HCFC1: variants seen among roughly 807,000 people sequenced by gnomAD.
HCFC1 encodes host cell factor 1.
In HCFC1, 7 loss-of-function variants were observed where a neutral mutation model predicts 105.5. That is an observed-to-expected ratio of 0.07 (90% CI 0.04 to 0.12). The LOEUF (loss-of-function observed/expected upper bound fraction) is 0.12. Among genes scored for constraint, HCFC1 ranks in the 10% least tolerant of loss-of-function variants. The pLI, the probability that HCFC1 is intolerant of heterozygous loss-of-function variation, is 1.00. For synonymous variants in HCFC1, 918 were observed against 828.1 expected, an observed-to-expected ratio of 1.11 and a Z score of -1.86; for missense variants, 1,065 against 1,823.6, an observed-to-expected ratio of 0.58 and a Z score of 7.58.
At position 153,955,024 on chromosome X, in the gene HCFC1, C is replaced by T. The variant is rs960541644; in HGVS notation, c.3375G>A (p.Ser1125=). 12 of 1,208,309 alleles carry T rather than the reference C, an allele frequency of 9.9e-6. No individual in the cohort carries two copies. The highest frequency in any genetic ancestry group is 1.8e-5 in the South Asian group (1 of 56,661). ...GTTNTATTAM[S]SVGANHQRDA... is the part of the protein sequence containing the mutation. ...CTCGCTGGTGGTTGGCGCCGACGCT[C>T]GACATGGCTGTAGTGGCAGTGTTGG... Residue 1125 remains serine (S), a synonymous_variant, in exon 17 of 26, where the codon TCG becomes TCA. Coordinates refer to ENST00000310441, the MANE Select transcript of HCFC1 (RefSeq NM_005334.3).
chrX:153,969,450 T>C (rs1198066319), intron 1 of HCFC1: 2 of 112,082 alleles, frequency 1.8e-5, no homozygotes, highest in Non-Finnish European at 3.8e-5. Context: ...AGGGGGCTTT[T>C]CCCTCACCCA....
At position 153,957,032 on chromosome X, in the gene HCFC1, G is replaced by A; in HGVS notation, c.2382C>T (p.Ser794=). 1 of 1,209,955 alleles carries A rather than the reference G, an allele frequency of 8.3e-7. No individual in the cohort carries two copies. Among genetic ancestry groups the A allele is most frequent in the Non-Finnish European group, 1.1e-6 (1 of 895,023 alleles). The part of the protein sequence containing the change: ...TGVTSSPGIK[S]PITIITTKVM... Reference sequence around the variant, plus strand: ...CCTTGGTGGTGATGATGGTGATGGGGGACTTGATGCCAGGACTGCTGGTCA... The same window carrying A: ...CCTTGGTGGTGATGATGGTGATGGGAGACTTGATGCCAGGACTGCTGGTCA... Residue 794 remains serine (S), a synonymous_variant, in exon 14 of 26, where the codon TCC becomes TCT. Transcript: ENST00000310441.
chrX:153,967,959 C>T (rs1262035953), intron 1 of HCFC1, among the ~76,000 whole-genome samples: 5 of 111,461 alleles, frequency 4.5e-5, no homozygotes, highest in Non-Finnish European at 9.4e-5. Flanking sequence ...GGCAGAACGG[C>T]CTCTATGAAG....
Position 153,963,412 on chromosome X carries a change from G to A in HCFC1, c.525C>T (p.Ile175=), listed in dbSNP as rs782292694. ...NIPRYLNDLY[I]LELRPGSGVV... The stretch of plus-strand genomic sequence containing the variant: ...CTCCAGAGCCTGGCCGTAATTCCAG[G>A]ATATATAAGTCATTCAGGTACCTGA... The change falls in exon 4 of 26, where the codon ATC becomes ATT. Residue 175 remains isoleucine (I), a synonymous_variant. Coordinates refer to ENST00000310441, the MANE Select transcript of HCFC1 (RefSeq NM_005334.3). 11 of 1,206,482 alleles carry A rather than the reference G, an allele frequency of 9.1e-6. No individual in the cohort carries two copies. The South Asian group carries it at 1.6e-4, about 17-fold the overall frequency.
In HCFC1 at chrX:153,953,899, C is replaced by G. The variant is rs782136356; in HGVS notation, c.4334-129G>C. The G allele has an allele frequency of 3.8e-5, 34 of 889,953 alleles. No individual in the cohort carries two copies. In the African/African-American group the frequency reaches 5.6e-4, roughly 15 times the overall value. 73.3% of individuals were successfully genotyped at this position (889,953 alleles called of 1,213,427 possible). The stretch of plus-strand genomic sequence containing the variant: ...AGGCAGGACAGGCTCCTGGAGACCT[C>G]TGTCTGCTTCAGGTACAGCCAGGAC... On this transcript the variant is annotated intron_variant, in intron 17 of 25. Coordinates refer to ENST00000310441, the MANE Select transcript of HCFC1 (RefSeq NM_005334.3).
Position 153,964,633 on chromosome X carries a change from AC to A in HCFC1, c.286del (p.Val96CysfsTer75). 1 of 1,205,120 alleles carries A rather than the reference AC, an allele frequency of 8.3e-7. No homozygotes were observed. The highest frequency in any genetic ancestry group is 1.1e-6 in the Non-Finnish European group (1 of 892,207). ...CCCATACTCCACCATCCCACCAAACACCAGGAGGCGAGTCCCGTCACACACG... is the reference window on the plus strand; with the variant it reads ...CCCATACTCCACCATCCCACCAAACACAGGAGGCGAGTCCCGTCACACACG... ...GFVCDGTRLLVFGGMVEYGKY... is the reference protein window; with the variant it reads ...GFVCDGTRLLXFGGMVEYGKY... On this transcript the variant is annotated frameshift_variant, in exon 2 of 26. Transcript: ENST00000310441. LOFTEE classifies it high-confidence loss of function.
chrX:153,959,422 G>A lies in HCFC1; in HGVS notation c.1514C>T (p.Pro505Leu). Residue 505 changes from proline to leucine, a missense_variant, in exon 9 of 26, where the codon CCT becomes CTT. By Grantham distance (98) the Pro-to-Leu change is moderately conservative. Coordinates refer to ENST00000310441, the MANE Select transcript of HCFC1 (RefSeq NM_005334.3). ...AGGGGCTTTCCCAGCCTGGCTGGCA[G>A]GTCGCATGGTGACCAATGGAGTTCC... Reference protein sequence around the residue: ...TTGTPLVTMRPASQAGKAPVT... With the variant: ...TTGTPLVTMRLASQAGKAPVT... The A allele has an allele frequency of 8.3e-7, 1 of 1,211,489 alleles. No homozygotes were observed.
intron 1 of HCFC1, among the ~76,000 whole-genome samples, chrX:153,968,681 T>C (rs1444544972): frequency 8.9e-6 from 1 of 112,732 alleles, no homozygotes; most frequent in African/African-American, 3.2e-5. Flanking sequence ...CTAATGAATA[T>C]GCAGAGGCCC....
chrX:153,962,704 T>C (rs183979591), intron 4 of HCFC1, among the ~76,000 whole-genome samples: 1 of 112,243 alleles, frequency 8.9e-6, no homozygotes, highest in Non-Finnish European at 1.9e-5. Context: ...GAGTGCCGAC[T>C]CTGATCTATA....
intron 13 of HCFC1, 84 bp from the exon 14 acceptor site, chrX:153,957,144 G>A: frequency 9.3e-7 from 1 of 1,080,902 alleles, no homozygotes. Context: ...ACATCCACAA[G>A]TCACAGCCAT....
At chrX:153,963,178 A>T in intron 4 of HCFC1, 47 bp downstream of exon 4, 1 of 1,049,940 alleles carries the variant, frequency 9.5e-7, no homozygotes, top group Non-Finnish European at 1.3e-6. Flanking sequence ...GCCAAGAGGC[A>T]GACCCGCTTT....
chrX:153,964,744 G>A lies in HCFC1; in HGVS notation c.194-18C>T. 1 of 1,145,815 alleles carries A rather than the reference G, an allele frequency of 8.7e-7. No homozygotes were observed. Among genetic ancestry groups the A allele is most frequent in the Non-Finnish European group, 1.2e-6 (1 of 860,450 alleles). 94.4% of individuals were successfully genotyped at this position (1,145,815 alleles called of 1,213,427 possible). A position where few individuals can be genotyped will look rare whatever the true frequency, so the allele number is the denominator to read the frequency against. On this transcript the variant is annotated intron_variant, in intron 1 of 25. Transcript: ENST00000310441. ...GTTGGTTGCTGGGGAACAGAAGGAGGCAGAAGTCAGAACACCCGGGAGCCC... is the reference window on the plus strand; with the variant it reads ...GTTGGTTGCTGGGGAACAGAAGGAGACAGAAGTCAGAACACCCGGGAGCCC...
intron 20 of HCFC1, 32 bp downstream of exon 20, chrX:153,951,809 A>C: frequency 8.6e-7 from 1 of 1,169,555 alleles, no homozygotes; most frequent in Non-Finnish European, 1.1e-6. Flanking sequence ...TGCCCCCACC[A>C]CCCCAGCACC....
chrX:153,956,092 C>T (rs375971376), intron 16 of HCFC1, 99 bp downstream of exon 16: 3 of 810,210 alleles, frequency 3.7e-6, no homozygotes, highest in East Asian at 3.2e-5. Context: ...AGCAGCGCAA[C>T]ACCAGGAAGG....
In HCFC1 at chrX:153,964,563, C is replaced by T. The variant is rs1387140043; in HGVS notation, c.342+15G>A. ...GGGGCCAAGGAGGCAGAGTGAGAACCTGGGGCTGCTTTACCTGGAGTTCGT... is the reference window on the plus strand; with the variant it reads ...GGGGCCAAGGAGGCAGAGTGAGAACTTGGGGCTGCTTTACCTGGAGTTCGT... On this transcript the variant is annotated intron_variant, in intron 2 of 25. Coordinates refer to ENST00000310441, the MANE Select transcript of HCFC1 (RefSeq NM_005334.3). The T allele has an allele frequency of 2.5e-6, 3 of 1,185,361 alleles. No homozygotes were observed. In the African/African-American group the frequency reaches 5.3e-5, roughly 21 times the overall value.
chrX:153,948,718 C>G lies in HCFC1; in HGVS notation c.*629G>C, dbSNP rs1282503683. ...GCCCAGGCCGCCGCGGGGCTCCTTGCCCCTTTTTTCTTTTTCCTTCTTTTC... is the reference window on the plus strand; with the variant it reads ...GCCCAGGCCGCCGCGGGGCTCCTTGGCCCTTTTTTCTTTTTCCTTCTTTTC... On this transcript the variant is annotated 3_prime_UTR_variant, in exon 26 of 26. Coordinates refer to ENST00000310441, the MANE Select transcript of HCFC1 (RefSeq NM_005334.3). The G allele has an allele frequency of 8.9e-6, 1 of 112,484 alleles. No individual in the cohort carries two copies. The highest frequency in any genetic ancestry group is 9.3e-5 in the Admixed American group (1 of 10,704). 9.3% of individuals were successfully genotyped at this position (112,484 alleles called of 1,213,427 possible). A position where few individuals can be genotyped will look rare whatever the true frequency, so the allele number is the denominator to read the frequency against.
chrX:153,954,792 C>T lies in HCFC1; in HGVS notation c.3607G>A (p.Gly1203Ser). 2 of 1,165,143 alleles carry T rather than the reference C, an allele frequency of 1.7e-6. No individual in the cohort carries two copies. The highest frequency in any genetic ancestry group is 3.2e-5 in the East Asian group (1 of 30,785). ...AACTGCACAAAAGCAGGGCTGCGGC[C>T]CCCGGGCTCCCGTGCCATGCTCGGC... is the stretch of plus-strand genomic sequence containing the variant. ...LGPSMAREPG[G>S]RSPAFVQLAP... The change falls in exon 17 of 26, where the codon GGC becomes AGC. Residue 1203 changes from glycine (G) to serine (S), a missense_variant. Around this residue, in one of 17 missense-constraint regions of HCFC1, gnomAD observed 546 missense variants for 599.9 expected, o/e 0.91. Coordinates refer to ENST00000310441, the MANE Select transcript of HCFC1 (RefSeq NM_005334.3).
intron 22 of HCFC1, 61 bp from the exon 23 acceptor site, chrX:153,951,059 G>T: frequency 9.7e-7 from 1 of 1,029,038 alleles, no homozygotes; most frequent in South Asian, 2.0e-5. Context: ...GCCACCCCAG[G>T]AACACTGCAG....
rs2065278546 is a variant in HCFC1, at chrX:153,948,623, T to C, written c.*724A>G. On this transcript the variant is annotated 3_prime_UTR_variant, in exon 26 of 26. Coordinates refer to ENST00000310441, the MANE Select transcript of HCFC1 (RefSeq NM_005334.3). ...ACAATGAAAGTGTGAACTTCACCAA[T>C]TGCAACCTAAAAAACACAACAAATG... The C allele has an allele frequency of 8.8e-6, 1 of 113,448 alleles. No individual in the cohort carries two copies. The highest frequency in any genetic ancestry group is 1.9e-5 in the Non-Finnish European group (1 of 53,379). The allele number at this position is 113,448 out of a possible 1,213,427, so 9.3% of individuals were successfully genotyped here.
Sources: gnomAD v4.1 joint callset for allele counts (sites outside exome capture counted in the v4.1 genomes callset) on GRCh38, gnomAD v4.1.1 for gene constraint, gnomAD v4.1.1 regional missense constraint, MANE v1.5 for transcripts, NCBI Gene and HGNC (gene_info 2026-07-23, HGNC 2026-07-21) for gene names.